ZMYM4: variants seen among roughly 807,000 people sequenced by gnomAD.
ZMYM4 encodes zinc finger MYM-type containing 4.
In ZMYM4, 31 loss-of-function variants were observed where a neutral mutation model predicts 183.2. The observed-to-expected ratio is 0.17, with a 90% CI of 0.13 to 0.23. ZMYM4 has a LOEUF of 0.23. ZMYM4 is among the 10% of genes least tolerant of loss of function. The pLI is 1.00. For synonymous variants in ZMYM4, 592 were observed against 631.2 expected (o/e 0.94, Z 0.93); for missense variants, 1,273 against 1,840.3 (o/e 0.69, Z 5.64).
chr1:35,361,212 C>T lies in ZMYM4; in HGVS notation c.626C>T (p.Thr209Ile). The T allele has an allele frequency of 1.2e-6, 2 of 1,600,150 alleles. No individual in the cohort carries two copies. The highest frequency in any genetic ancestry group is 1.7e-6 in the Non-Finnish European group (2 of 1,174,638). ...FDKAANQVEE[T>I]LHTHLPQTPE... The stretch of plus-strand genomic sequence containing the variant: ...TCAATAGCTAATCAAGTTGAAGAAA[C>T]ATTACATACCCATTTACCACAAACC... The change falls in exon 4 of 30, where the codon ACA (threonine) becomes ATA (isoleucine). Residue 209 changes from threonine to isoleucine, a missense_variant. Thr to Ile is a moderately conservative substitution (Grantham distance 89, BLOSUM62 -1). This residue lies in a region of ZMYM4 where 384 missense variants were observed against 465.6 expected (regional missense o/e 0.82). Coordinates refer to ENST00000314607, the MANE Select transcript of ZMYM4 (RefSeq NM_005095.3).
chr1:35,301,415 A>G (rs1641271704), intron 1 of ZMYM4, among the ~76,000 whole-genome samples: 1 of 152,076 alleles, frequency 6.6e-6, no homozygotes, highest in African/African-American at 2.4e-5. Flanking sequence ...GCATGGTGGC[A>G]GGTGCCTGTA....
chr1:35,280,203 C>T (rs1490072538), intron 1 of ZMYM4, among the ~76,000 whole-genome samples: 1 of 146,216 alleles, frequency 6.8e-6, no homozygotes, highest in Non-Finnish European at 1.5e-5. Flanking sequence ...CCCTTCCTTT[C>T]TTCCCTTCCT....
rs1408795150 is a variant in ZMYM4 at position 35,376,632 on chromosome 1, T to C, written c.1182-4627T>C. Among the ~76,000 whole-genome samples, 5 of 152,280 alleles carry C rather than the reference T, an allele frequency of 3.3e-5. No homozygotes were observed. In the East Asian group the frequency reaches 9.6e-4, roughly 29 times the overall value. ...TCTGCCTCCCAGGTTGAAGTGATTC[T>C]CCTGCCTCAGCCTCTCGAGTAGCTG... On this transcript the variant is annotated intron_variant, in intron 7 of 29. Transcript: ENST00000314607.
intron 1 of ZMYM4, among the ~76,000 whole-genome samples, chr1:35,312,956 C>T (rs563451532): frequency 1.2e-4 from 18 of 152,270 alleles, no homozygotes; most frequent in African/African-American, 4.3e-4. Flanking sequence ...TGCAGTGGCA[C>T]GATCTTAGCT....
chr1:35,396,514 C>G, intron 18 of ZMYM4, 38 bp from the exon 19 acceptor site: 2 of 1,609,024 alleles, frequency 1.2e-6, no homozygotes, highest in Non-Finnish European at 8.5e-7. Context: ...ATTTCTAACC[C>G]TCTTTGCTTT....
chr1:35,411,964 G>T (rs1265457101), intron 26 of ZMYM4, among the ~76,000 whole-genome samples: 1 of 151,938 alleles, frequency 6.6e-6, no homozygotes, highest in Non-Finnish European at 1.5e-5. Flanking sequence ...CTCACTGCAA[G>T]CTCCGCCTCC....
At chr1:35,272,663 A>G (rs1639671520) in intron 1 of ZMYM4, among the ~76,000 whole-genome samples, 1 of 151,932 alleles carries the variant, frequency 6.6e-6, no homozygotes, top group African/African-American at 2.4e-5. Flanking sequence ...AGATTTAGGG[A>G]TCTTCTGATT....
chr1:35,297,568 GA>G lies in ZMYM4; in HGVS notation c.40-27790del, dbSNP rs1641083204. On this transcript the variant is annotated intron_variant, in intron 1 of 29. Transcript: ENST00000314607. ...TGACTTGAGCTGACTTAACGGACCT[GA>G]ACTTGTTATTTTCATCAGAAATGCA... Among the ~76,000 whole-genome samples the G allele has an allele frequency of 2.6e-5, 4 of 152,106 alleles. 1 individual carries two copies. The South Asian group carries it at 8.3e-4, about 32-fold the overall frequency.
intron 7 of ZMYM4, among the ~76,000 whole-genome samples, chr1:35,371,039 C>G (rs1644197218): frequency 6.9e-6 from 1 of 145,230 alleles, no homozygotes; most frequent in Non-Finnish European, 1.5e-5. Flanking sequence ...TAATACTTTT[C>G]TTCTTAACCT....
intron 1 of ZMYM4, among the ~76,000 whole-genome samples, chr1:35,281,713 G>T (rs553234489): frequency 1.1e-4 from 17 of 151,574 alleles, no homozygotes; most frequent in African/African-American, 3.6e-4. Flanking sequence ...AACTTTAAGT[G>T]TATAATTCAG....
intron 26 of ZMYM4, among the ~76,000 whole-genome samples, chr1:35,410,628 A>G (rs1042404185): frequency 1.3e-4 from 19 of 150,182 alleles, no homozygotes; most frequent in African/African-American, 4.1e-4. Flanking sequence ...AGCTGGGACT[A>G]CAGGCGCCTG....
chr1:35,322,215 A>G (rs1642310983), intron 1 of ZMYM4, among the ~76,000 whole-genome samples: 1 of 152,040 alleles, frequency 6.6e-6, no homozygotes, highest in Non-Finnish European at 1.5e-5. Flanking sequence ...ATCACTTTCT[A>G]TTGGGATAGT....
At chr1:35,412,093 G>GTGTTAGCCAGGA (rs1461220528) in intron 26 of ZMYM4, among the ~76,000 whole-genome samples, 1 of 150,590 alleles carries the variant, frequency 6.6e-6, no homozygotes, top group East Asian at 1.9e-4. Context: ...GGGTTTCACC[G>GTGTTAGCCAGGA]TGGTCTCGAT....
intron 2 of ZMYM4, among the ~76,000 whole-genome samples, chr1:35,344,670 G>A (rs1643329112): frequency 6.6e-6 from 1 of 151,726 alleles, no homozygotes; most frequent in African/African-American, 2.4e-5. Context: ...TGCATTTATG[G>A]GATAAATCTT....
intron 22 of ZMYM4, 137 bp downstream of exon 22, chr1:35,399,180 C>A: frequency 1.1e-6 from 1 of 931,906 alleles, no homozygotes; most frequent in Non-Finnish European, 1.6e-6. Context: ...ATCTAGAGCA[C>A]AAATAGACCC....
chr1:35,392,576 A>C (rs1644730267), intron 16 of ZMYM4, 71 bp from the exon 17 acceptor site: 6 of 1,428,204 alleles, frequency 4.2e-6, no homozygotes, highest in African/African-American at 1.4e-5. Flanking sequence ...TTATGTACTG[A>C]TAATCAGCTT....
intron 2 of ZMYM4, among the ~76,000 whole-genome samples, chr1:35,339,240 CT>C (rs797007246): frequency 0.014 from 2,128 of 147,336 alleles, 52 homozygotes; most frequent in African/African-American, 0.048. Context: ...ACATTATATT[CT>C]TTTTTTTTTT....
chr1:35,359,504 T>C (rs975824556), intron 3 of ZMYM4, 58 bp downstream of exon 3: 7 of 1,420,850 alleles, frequency 4.9e-6, no homozygotes, highest in Non-Finnish European at 6.6e-6. Flanking sequence ...GATCATAATA[T>C]ATAGCTTTTA....
At chr1:35,414,718 T>A (rs1031864810) in intron 27 of ZMYM4, among the ~76,000 whole-genome samples, 2 of 152,200 alleles carry the variant, frequency 1.3e-5, no homozygotes, top group South Asian at 2.1e-4. Context: ...GAAATTTTTT[T>A]AAGAATTCCT....
Sources: gnomAD v4.1 joint callset for allele counts (sites outside exome capture counted in the v4.1 genomes callset) on GRCh38, gnomAD v4.1.1 for gene constraint, gnomAD v4.1.1 regional missense constraint, MANE v1.5 for transcripts, NCBI Gene and HGNC (gene_info 2026-07-23, HGNC 2026-07-21) for gene names.